The following MTSS1 variants were observed in gnomAD, a reference collection of about 807,000 sequenced individuals.
MTSS1 encodes the protein MTSS I-BAR domain containing 1, also known as protein MTSS 1.
A neutral mutation model predicts 79.0 loss-of-function variants in MTSS1; 18 were observed. The ratio of observed to expected loss-of-function variants is 0.23; its 90% CI spans 0.16 to 0.34. The LOEUF is 0.34. MTSS1 is among the 10% of genes least tolerant of loss of function. The pLI is 1.00. For synonymous variants in MTSS1, 341 were observed against 368.6 expected, an observed-to-expected ratio of 0.93 and a Z score of 0.86; for missense variants, 815 against 986.2, an observed-to-expected ratio of 0.83 and a Z score of 2.33.
intron 2 of MTSS1, among the ~76,000 whole-genome samples, chr8:124,701,069 C>G (rs149894358): frequency 1.3e-5 from 2 of 152,028 alleles, no homozygotes; most frequent in East Asian, 3.9e-4. Flanking sequence ...TCTCTACACA[C>G]AAAAAAATTG....
intron 1 of MTSS1, among the ~76,000 whole-genome samples, chr8:124,711,319 T>C (rs546244421): frequency 1.6e-4 from 24 of 152,202 alleles, no homozygotes; most frequent in Admixed American, 3.3e-4. Flanking sequence ...TCCTGCATTC[T>C]CACTGCATGC....
Position 124,601,062 on chromosome 8 carries a change from ATTTTT to A in MTSS1, c.209-9832_209-9828del, listed in dbSNP as rs35966615. On this transcript the variant is annotated intron_variant, in intron 3 of 13. Transcript: ENST00000518547. ...TGACCCTAGGTTTCCCTTGACTGTAATTTTTTTTTTTTTTTTTTTTTTGAGTCTCA... is the reference window on the plus strand; with the variant it reads ...TGACCCTAGGTTTCCCTTGACTGTAATTTTTTTTTTTTTTTTTGAGTCTCA... Among the ~76,000 whole-genome samples the A allele has an allele frequency of 1.4e-3, 122 of 88,648 alleles. 2 individuals carry two copies. The highest frequency in any genetic ancestry group is 1.9e-3 in the East Asian group (6 of 3,114). The allele number at this position is 88,648 out of a possible 152,430, so 58.2% of individuals were successfully genotyped here. A position where few individuals can be genotyped will look rare whatever the true frequency, so the allele number is the denominator to read the frequency against.
intron 1 of MTSS1, among the ~76,000 whole-genome samples, chr8:124,708,234 C>G (rs574248915): frequency 6.6e-6 from 1 of 152,206 alleles, no homozygotes; most frequent in African/African-American, 2.4e-5. Flanking sequence ...CACATCTTCA[C>G]AGGGCTGAGA....
chr8:124,653,163 G>C (rs1277547161), intron 3 of MTSS1, among the ~76,000 whole-genome samples: 2 of 152,224 alleles, frequency 1.3e-5, no homozygotes, highest in Non-Finnish European at 2.9e-5. Flanking sequence ...AATTCAGAAA[G>C]ATGAATCTGA....
At position 124,623,904 on chromosome 8, in the gene MTSS1, A is replaced by C. The variant is rs555278979; in HGVS notation, c.209-32669T>G. Among the ~76,000 whole-genome samples, 3 of 152,322 alleles carry C rather than the reference A, an allele frequency of 2.0e-5. No individual in the cohort carries two copies. The East Asian group carries it at 5.8e-4, about 29-fold the overall frequency. The stretch of plus-strand genomic sequence containing the variant: ...GGTGATCCGCCTACCTTGGCCTCCC[A>C]AAGCGCTAGGATTACAGGCGGAAGC... On this transcript the variant is annotated intron_variant, in intron 3 of 13. Transcript: ENST00000518547.
intron 3 of MTSS1, among the ~76,000 whole-genome samples, chr8:124,630,266 G>T (rs901165325): frequency 6.6e-6 from 1 of 152,128 alleles, no homozygotes; most frequent in African/African-American, 2.4e-5. Context: ...GGCTGAATGG[G>T]GGCCACCACA....
intron 3 of MTSS1, among the ~76,000 whole-genome samples, chr8:124,644,388 A>C (rs942730068): frequency 1.3e-5 from 2 of 152,254 alleles, no homozygotes; most frequent in African/African-American, 4.8e-5. Context: ...TCTCTAAGAA[A>C]GAATTTCTAA....
At chr8:124,653,609 A>G (rs58184774) in intron 3 of MTSS1, among the ~76,000 whole-genome samples, 1 of 152,246 alleles carries the variant, frequency 6.6e-6, no homozygotes, top group Non-Finnish European at 1.5e-5. Flanking sequence ...CTGTAATCCC[A>G]GCTACTTGGG....
intron 1 of MTSS1, among the ~76,000 whole-genome samples, chr8:124,723,435 A>G (rs1833235780): frequency 6.6e-6 from 1 of 152,210 alleles, no homozygotes. Context: ...GGAATTTCAG[A>G]ACATAAAGGT....
chr8:124,564,993 AT>A (rs960392175), intron 9 of MTSS1, among the ~76,000 whole-genome samples: 2 of 152,262 alleles, frequency 1.3e-5, no homozygotes, highest in African/African-American at 4.8e-5. Context: ...AGAGAGATAG[AT>A]GGTACATCAT....
chr8:124,656,950 A>G (rs1821071693), intron 3 of MTSS1, among the ~76,000 whole-genome samples: 1 of 152,198 alleles, frequency 6.6e-6, no homozygotes, highest in African/African-American at 2.4e-5. Context: ...AAAATTCTAC[A>G]GGACAAAGGA....
At chr8:124,567,046 T>G in intron 8 of MTSS1, 25 bp downstream of exon 8, 1 of 1,558,992 alleles carries the variant, frequency 6.4e-7, no homozygotes, top group Non-Finnish European at 8.8e-7. Flanking sequence ...TTTGATCCTG[T>G]AAGTGCTTAA....
chr8:124,577,996 G>A (rs552558773), intron 6 of MTSS1, among the ~76,000 whole-genome samples: 1 of 152,184 alleles, frequency 6.6e-6, no homozygotes, highest in African/African-American at 2.4e-5. Context: ...GGATACGGCT[G>A]GGGGATGAGC....
chr8:124,552,222 A>T lies in MTSS1; in HGVS notation c.*770T>A, dbSNP rs188710589. On this transcript the variant is annotated 3_prime_UTR_variant, in exon 14 of 14. Coordinates refer to ENST00000518547, the MANE Select transcript of MTSS1 (RefSeq NM_014751.6). The stretch of plus-strand genomic sequence containing the variant: ...GTGCTGTGTGCAGTCCAGAGGAATC[A>T]TGGGAGAAAGGAAGTCAAGTCCTTA... The T allele has an allele frequency of 1.3e-5, 2 of 152,878 alleles. No individual in the cohort carries two copies. The highest frequency in any genetic ancestry group is 4.8e-5 in the African/African-American group (2 of 41,584). The allele number at this position is 152,878 out of a possible 1,614,324, so 9.5% of individuals were successfully genotyped here. A position where few individuals can be genotyped will look rare whatever the true frequency, so the allele number is the denominator to read the frequency against.
In MTSS1 at chr8:124,727,090, G is replaced by GCGCGCGCACACACACATGCA. The variant is rs1259233087; in HGVS notation, c.72+774_72+793dup. Among the ~76,000 whole-genome samples the GCGCGCGCACACACACATGCA allele has an allele frequency of 1.3e-5, 2 of 151,696 alleles. No homozygotes were observed. The highest frequency in any genetic ancestry group is 2.9e-5 in the Non-Finnish European group (2 of 67,884). On this transcript the variant is annotated intron_variant, in intron 1 of 13. Transcript: ENST00000518547. This position sits in a 1 kb window ranked among gnomAD's most constrained non-coding sequence, Gnocchi z 4.7. ...GGTGTTGTTCCCCGCCCCCACGCGC[G>GCGCGCGCACACACACATGCA]CGCGCGCACACACACATGCACGCGC...
intron 3 of MTSS1, among the ~76,000 whole-genome samples, chr8:124,611,495 G>A (rs931003547): frequency 6.6e-6 from 1 of 152,006 alleles, no homozygotes; most frequent in African/African-American, 2.4e-5. Context: ...ACAGGTGCCT[G>A]GGATACTCTC....
chr8:124,674,467 T>A (rs1824902034), intron 3 of MTSS1, among the ~76,000 whole-genome samples: 1 of 152,208 alleles, frequency 6.6e-6, no homozygotes, highest in Non-Finnish European at 1.5e-5. Context: ...TGTCTCAGCC[T>A]CCCAAGTACC....
intron 3 of MTSS1, among the ~76,000 whole-genome samples, chr8:124,629,210 G>A (rs1815351513): frequency 6.6e-6 from 1 of 152,132 alleles, no homozygotes; most frequent in Non-Finnish European, 1.5e-5. Flanking sequence ...AAGTTACACA[G>A]CTAAGAAATT....
At chr8:124,692,605 T>C (rs1224506536) in intron 3 of MTSS1, among the ~76,000 whole-genome samples, 1 of 152,040 alleles carries the variant, frequency 6.6e-6, no homozygotes, top group South Asian at 2.1e-4. Context: ...AGAGGAAAGA[T>C]TCCCTCCCCT....
Sources: gnomAD v4.1 joint callset for allele counts (sites outside exome capture counted in the v4.1 genomes callset) on GRCh38, gnomAD v4.1.1 for gene constraint, Gnocchi (gnomAD v3.1) non-coding constraint, MANE v1.5 for transcripts, NCBI Gene and HGNC (gene_info 2026-07-23, HGNC 2026-07-21) for gene names.